Variants in PFKFB3 observed in about 807,000 individuals in gnomAD.
PFKFB3 encodes 6-phosphofructo-2-kinase/fructose-2,6-bisphosphatase 3.
Under a neutral mutation model 68.0 loss-of-function variants are expected in PFKFB3, and 33 were observed. That is an observed-to-expected ratio of 0.49 (90% CI 0.37 to 0.65). The LOEUF (loss-of-function observed/expected upper bound fraction) is 0.65, where lower values mean the gene tolerates loss of function less well. Ranked by LOEUF, PFKFB3 falls within the 30% of genes least tolerant of loss-of-function variation. The pLI, the probability that PFKFB3 is intolerant of heterozygous loss-of-function variation, is 0.00. For synonymous variants in PFKFB3, 315 were observed against 288.2 expected, an observed-to-expected ratio of 1.09 and a Z score of -0.94; for missense variants, 586 against 712.2, an observed-to-expected ratio of 0.82 and a Z score of 2.02.
chr10:6,229,052 A>G lies in PFKFB3; in HGVS notation c.1515+2687A>G, dbSNP rs1845555821. 1 of 498,728 alleles carries G rather than the reference A, an allele frequency of 2.0e-6. No individual in the cohort carries two copies. Among genetic ancestry groups the G allele is most frequent in the Admixed American group, 2.2e-5 (1 of 45,848 alleles). 30.9% of individuals were successfully genotyped at this position (498,728 alleles called of 1,614,324 possible). On this transcript the variant is annotated intron_variant, in intron 14 of 14. Coordinates refer to ENST00000379775, the MANE Select transcript of PFKFB3 (RefSeq NM_004566.4). The surrounding 1 kb of genome is among the most constrained non-coding windows in gnomAD (Gnocchi z 4.3). ...GTCATCCCCTTGCCCCCCCAAAAAC[A>G]CACCCGCCCCTTTATTTCCTGTTTG...
At chr10:6,306,079 G>C in the PFKFB3 span, among the ~76,000 whole-genome samples, 4 of 152,168 alleles carry the variant, frequency 2.6e-5, no homozygotes, top group Non-Finnish European at 5.9e-5. Context: ...CTGGAGAGCA[G>C]AGGCTCTTCA....
intron 2 of PFKFB3, among the ~76,000 whole-genome samples, chr10:6,214,044 G>A (rs950758549): frequency 4.6e-5 from 7 of 152,038 alleles, no homozygotes; most frequent in African/African-American, 1.2e-4. Context: ...CATTCCTGTC[G>A]CACTCAGTCC....
chr10:6,243,447 C>T (rs554021011), intron 14 of PFKFB3, among the ~76,000 whole-genome samples: 6 of 152,308 alleles, frequency 3.9e-5, no homozygotes, highest in East Asian at 3.9e-4. Flanking sequence ...CCACAGTGTT[C>T]GCTTTGGAGA....
At chr10:6,219,528 T>G (rs775086581) in intron 6 of PFKFB3, 41 bp from the exon 7 acceptor site, 8 of 1,613,010 alleles carry the variant, frequency 5.0e-6, no homozygotes, top group Middle Eastern at 1.6e-4. Context: ...GCAGAAAGCC[T>G]TCCAGCGTGA....
Position 6,228,292 on chromosome 10 carries a change from TAA to T in PFKFB3, c.1515+1930_1515+1931del. 1.3e-6 allele frequency: 2 copies of T among 1,548,604 alleles called. No homozygotes were observed. The highest frequency in any genetic ancestry group is 2.2e-5 in the South Asian group (2 of 89,740). ...CTTGCTCATTTGGCCTCCTGCCTGT[TAA>T]AATATTGAGGATGAGAGCAGTTTTG... On this transcript the variant is annotated intron_variant, in intron 14 of 14. Coordinates refer to ENST00000379775, the MANE Select transcript of PFKFB3 (RefSeq NM_004566.4). The surrounding 1 kb of genome is among the most constrained non-coding windows in gnomAD (Gnocchi z 4.5).
At chr10:6,173,910 G>A (rs654876) in intron 1 of PFKFB3, among the ~76,000 whole-genome samples, 28,893 of 151,970 alleles carry the variant, frequency 0.19, 3,249 homozygotes, top group Non-Finnish European at 0.26. Flanking sequence ...CGCAGTGGAC[G>A]CAAACGGGAG....
chr10:6,292,578 C>T, the PFKFB3 span, among the ~76,000 whole-genome samples: 1,420 of 151,606 alleles, frequency 9.4e-3, 20 homozygotes, highest in African/African-American at 0.031. Flanking sequence ...CGTGAGCCAC[C>T]GTGCCTGGCC....
chr10:6,313,873 T>C, the PFKFB3 span, among the ~76,000 whole-genome samples: 1 of 152,238 alleles, frequency 6.6e-6, no homozygotes, highest in Non-Finnish European at 1.5e-5. The surrounding 1 kb of genome is among the most constrained non-coding windows in gnomAD (Gnocchi z 4.2). Context: ...TTTTGTCAGC[T>C]CAGCGGCTAA....
At chr10:6,288,600 T>C in the PFKFB3 span, among the ~76,000 whole-genome samples, 2 of 151,848 alleles carry the variant, frequency 1.3e-5, no homozygotes, top group Admixed American at 6.6e-5. Context: ...ATCCAGTCTA[T>C]CATTGTTGGA....
chr10:6,260,135 C>T, the PFKFB3 span, among the ~76,000 whole-genome samples: 144 of 152,142 alleles, frequency 9.5e-4, 1 homozygote, highest in Admixed American at 3.9e-4. Flanking sequence ...AAACATTGGC[C>T]GGGCACGGTG....
At chr10:6,282,825 G>A in the PFKFB3 span, among the ~76,000 whole-genome samples, 4 of 152,234 alleles carry the variant, frequency 2.6e-5, no homozygotes, top group African/African-American at 9.6e-5. Context: ...TCAGTTCAGC[G>A]ATAAGAGTAT....
intron 1 of PFKFB3, among the ~76,000 whole-genome samples, chr10:6,157,352 G>A (rs1043232884): frequency 6.6e-6 from 1 of 151,510 alleles, no homozygotes; most frequent in South Asian, 2.1e-4. Context: ...TCAGCCTCCC[G>A]AGTAGCTGGG....
intron 14 of PFKFB3, chr10:6,231,514 G>T (rs114068942): frequency 1.0e-6 from 1 of 985,316 alleles, no homozygotes; most frequent in Non-Finnish European, 1.2e-6. Context: ...GGTGAAGGAC[G>T]TGGACATCAC....
chr10:6,185,912 T>A (rs1222985882), intron 1 of PFKFB3, among the ~76,000 whole-genome samples: 1 of 152,152 alleles, frequency 6.6e-6, no homozygotes, highest in African/African-American at 2.4e-5. Context: ...AGTGCTGGGA[T>A]TACAGGCATG....
the PFKFB3 span, among the ~76,000 whole-genome samples, chr10:6,325,504 T>G: frequency 1.3e-5 from 2 of 152,302 alleles, no homozygotes; most frequent in African/African-American, 4.8e-5. Flanking sequence ...ACAATGAATA[T>G]TTATCAATTT....
At chr10:6,242,748 C>T (rs986625251) in intron 14 of PFKFB3, among the ~76,000 whole-genome samples, 1 of 152,154 alleles carries the variant, frequency 6.6e-6, no homozygotes, top group Admixed American at 6.6e-5. Context: ...CTACCACACC[C>T]AGCTAATTTT....
rs990005683 is a variant in PFKFB3 at position 6,145,137 on chromosome 10, G to A, written c.16+124G>A. The stretch of plus-strand genomic sequence containing the variant: ...AGCACTGTGCACCCGGGCTGCGGCG[G>A]TGCCGCCCGGGGCCAAGCGAGACGC... On this transcript the variant is annotated intron_variant, in intron 1 of 14. Transcript: ENST00000379789. The A allele has an allele frequency of 5.3e-6, 4 of 748,516 alleles. No individual in the cohort carries two copies. In the South Asian group the frequency reaches 1.4e-4, roughly 26 times the overall value. 46.4% of individuals were successfully genotyped at this position (748,516 alleles called of 1,614,324 possible).
At chr10:6,243,052 CT>C (rs1846174619) in intron 14 of PFKFB3, among the ~76,000 whole-genome samples, 1 of 152,116 alleles carries the variant, frequency 6.6e-6, no homozygotes, top group African/African-American at 2.4e-5. Flanking sequence ...AGCCACTGTT[CT>C]AAGTATTAGG....
Position 6,226,204 on chromosome 10 carries a change from G to GGACCTA in PFKFB3, c.1355_1360dup (p.Pro453_Asn454insArgPro). ...TTGTCTTGCTTAGGATGCAAAGAAGGGACCTAACCCGCTCATGAGACGCAA... is the reference window on the plus strand; with the variant it reads ...TTGTCTTGCTTAGGATGCAAAGAAGGGACCTAGACCTAACCCGCTCATGAGACGCAA... On this transcript the variant is annotated inframe_insertion, in exon 14 of 15. Coordinates refer to ENST00000379775, the MANE Select transcript of PFKFB3 (RefSeq NM_004566.4). 3.8e-6 allele frequency: 6 copies of GGACCTA among 1,592,090 alleles called. No individual in the cohort carries two copies. Among genetic ancestry groups the GGACCTA allele is most frequent in the Non-Finnish European group, 5.1e-6 (6 of 1,171,250 alleles).
Sources: allele counts gnomAD v4.1 joint callset (sites outside exome capture counted in the v4.1 genomes callset), GRCh38; gene constraint gnomAD v4.1.1; non-coding constraint Gnocchi (gnomAD v3.1); transcripts MANE v1.5; gene names NCBI Gene and HGNC (gene_info 2026-07-23, HGNC 2026-07-21).